Variants in KCNQ1 observed in about 807,000 individuals in gnomAD.
KCNQ1 encodes the protein potassium voltage-gated channel subfamily KQT member 1.
KCNQ1 carries 49 observed loss-of-function variants against 72.4 expected under a neutral mutation model. The ratio of observed to expected loss-of-function variants is 0.68; its 90% CI spans 0.54 to 0.86. KCNQ1 has a LOEUF of 0.86. KCNQ1 is among the 40% of genes least tolerant of loss of function. The pLI is 0.00. For synonymous variants in KCNQ1, 450 were observed against 412.6 expected (o/e 1.09, Z -1.10); for missense variants, 790 against 945.1 (o/e 0.84, Z 2.15).
Position 2,750,804 on chromosome 11 carries a change from T to C in KCNQ1, c.1515-18040T>C, listed in dbSNP as rs1002886748. 6.6e-6 allele frequency among the ~76,000 whole-genome samples: 1 copy of C among 152,206 alleles called. No individual in the cohort carries two copies. Among genetic ancestry groups the C allele is most frequent in the African/African-American group, 2.4e-5 (1 of 41,440 alleles). On this transcript the variant is annotated intron_variant, in intron 11 of 15. Coordinates refer to ENST00000155840, the MANE Select transcript of KCNQ1 (RefSeq NM_000218.3). This position sits in a 1 kb window ranked among gnomAD's most constrained non-coding sequence, Gnocchi z 6.3. Reference sequence around the variant, plus strand: ...GAAAACACTTTTCTTGTTTTCTTTCTCCGGCATGCTGGAAGCCGGCCAACT... The same window carrying C: ...GAAAACACTTTTCTTGTTTTCTTTCCCCGGCATGCTGGAAGCCGGCCAACT...
At chr11:2,697,868 A>G (rs1261827827) in intron 11 of KCNQ1, 1 of 398,536 alleles carries the variant, frequency 2.5e-6, no homozygotes, top group African/African-American at 2.1e-5. Flanking sequence ...CTGATTCGCA[A>G]TTTTAAAAAA....
chr11:2,633,620 G>C, intron 10 of KCNQ1: 1 of 398,484 alleles, frequency 2.5e-6, no homozygotes. Context: ...GTTCAACATG[G>C]TGTCCTTTCC....
intron 1 of KCNQ1, among the ~76,000 whole-genome samples, chr11:2,504,165 G>A (rs179405): frequency 0.24 from 35,879 of 152,070 alleles, 5,569 homozygotes; most frequent in African/African-American, 0.44. Flanking sequence ...GAATGAGAAC[G>A]TGTCATTTGC....
intron 11 of KCNQ1, among the ~76,000 whole-genome samples, chr11:2,717,899 C>T (rs571487236): frequency 3.3e-4 from 50 of 152,198 alleles, no homozygotes; most frequent in South Asian, 2.1e-4. Context: ...TTGAGCCCCC[C>T]GGGGTATTAG....
chr11:2,731,694 A>G (rs1413472665), intron 11 of KCNQ1, among the ~76,000 whole-genome samples: 1 of 152,220 alleles, frequency 6.6e-6, no homozygotes, highest in East Asian at 1.9e-4. Context: ...CCTGAGGCCC[A>G]GAGAAAGGCG....
At chr11:2,561,062 C>A (rs541628260) in intron 2 of KCNQ1, among the ~76,000 whole-genome samples, 1 of 151,476 alleles carries the variant, frequency 6.6e-6, no homozygotes, top group Non-Finnish European at 1.5e-5. Flanking sequence ...ATTAGCCGGG[C>A]GAGGTGGCGG....
At chr11:2,622,887 A>G (rs1253417104) in intron 10 of KCNQ1, 4 of 398,646 alleles carry the variant, frequency 1.0e-5, no homozygotes, top group Non-Finnish European at 1.3e-5. Flanking sequence ...ACACATTATT[A>G]TCAAAGTCCC....
At chr11:2,794,513 G>A (rs1847092356) in intron 15 of KCNQ1, among the ~76,000 whole-genome samples, 1 of 152,186 alleles carries the variant, frequency 6.6e-6, no homozygotes, top group South Asian at 2.1e-4. Flanking sequence ...GTGGTCAGGG[G>A]CGGCACAGGG....
At chr11:2,774,565 T>C (rs35993725) in intron 12 of KCNQ1, among the ~76,000 whole-genome samples, 20,793 of 152,232 alleles carry the variant, frequency 0.14, 1,531 homozygotes, top group Middle Eastern at 0.18. Flanking sequence ...AGGAGGTCTC[T>C]GCCCTGTCTT....
In KCNQ1 at chr11:2,687,690, G is replaced by A. The variant is rs1244101847; in HGVS notation, c.1514+25609G>A. The A allele has an allele frequency of 1.0e-5, 4 of 398,654 alleles. No individual in the cohort carries two copies. Among genetic ancestry groups the A allele is most frequent in the Non-Finnish European group, 1.8e-5 (4 of 226,188 alleles). 24.7% of individuals were successfully genotyped at this position (398,654 alleles called of 1,614,324 possible). A position where few individuals can be genotyped will look rare whatever the true frequency, so the allele number is the denominator to read the frequency against. ...CAGGTCTCAGGGAGCTCAGGGTTCAGTGTTGGAATGGGTCTGGGCCCAGAT... is the reference window on the plus strand; with the variant it reads ...CAGGTCTCAGGGAGCTCAGGGTTCAATGTTGGAATGGGTCTGGGCCCAGAT... On this transcript the variant is annotated intron_variant, in intron 11 of 15. Coordinates refer to ENST00000155840, the MANE Select transcript of KCNQ1 (RefSeq NM_000218.3). The surrounding 1 kb of genome is among the most constrained non-coding windows in gnomAD (Gnocchi z 5.0).
At chr11:2,616,431 T>C in intron 10 of KCNQ1, 1 of 398,060 alleles carries the variant, frequency 2.5e-6, no homozygotes, top group East Asian at 3.6e-5. Flanking sequence ...TTCTCTCTTT[T>C]AACTTTAGGT....
At chr11:2,452,081 T>C (rs800337) in intron 1 of KCNQ1, among the ~76,000 whole-genome samples, 116,037 of 152,142 alleles carry the variant, frequency 0.76, 44,897 homozygotes, top group Non-Finnish European at 0.85. Flanking sequence ...GAGCTACGGC[T>C]GCCCTCACCC....
chr11:2,797,295 A>G (rs1847157517), intron 15 of KCNQ1, among the ~76,000 whole-genome samples: 1 of 152,150 alleles, frequency 6.6e-6, no homozygotes, highest in African/African-American at 2.4e-5. Context: ...ACGGGCCCCA[A>G]CCTGCCTGCA....
chr11:2,826,575 T>A lies in KCNQ1; in HGVS notation c.1795-21192T>A, dbSNP rs1847846026. 6.6e-6 allele frequency among the ~76,000 whole-genome samples: 1 copy of A among 152,238 alleles called. No individual in the cohort carries two copies. Among genetic ancestry groups the A allele is most frequent in the Non-Finnish European group, 1.5e-5 (1 of 68,028 alleles). ...AAGGCCTCCCCAGCAGACCTGCAGCTGGGCACCCACAGGGTAGAAATGCCC... is the reference window on the plus strand; with the variant it reads ...AAGGCCTCCCCAGCAGACCTGCAGCAGGGCACCCACAGGGTAGAAATGCCC... On this transcript the variant is annotated intron_variant, in intron 15 of 15. Coordinates refer to ENST00000155840, the MANE Select transcript of KCNQ1 (RefSeq NM_000218.3). This position sits in a 1 kb window ranked among gnomAD's most constrained non-coding sequence, Gnocchi z 4.2.
intron 12 of KCNQ1, among the ~76,000 whole-genome samples, chr11:2,773,865 C>T (rs1846645544): frequency 8.7e-6 from 1 of 115,602 alleles, no homozygotes; most frequent in South Asian, 2.7e-4. Flanking sequence ...CAGATGCTAA[C>T]AGGGCTCAGC....
In KCNQ1 at chr11:2,679,995, G is replaced by A; in HGVS notation, c.1514+17914G>A. The A allele has an allele frequency of 7.6e-6, 3 of 396,936 alleles. No homozygotes were observed. The highest frequency in any genetic ancestry group is 6.3e-4 in the Middle Eastern group (1 of 1,578). 24.6% of individuals were successfully genotyped at this position (396,936 alleles called of 1,614,324 possible). ...TGCAACCTCTACCTCCTGGGTTCAA[G>A]CAATTCTCCTGCCTTAGCCTCCCTA... On this transcript the variant is annotated intron_variant, in intron 11 of 15. Transcript: ENST00000155840. The surrounding 1 kb of genome is among the most constrained non-coding windows in gnomAD (Gnocchi z 4.8).
At position 2,508,741 on chromosome 11, in the gene KCNQ1, G is replaced by A. The variant is rs1439803868; in HGVS notation, c.387-19187G>A. On this transcript the variant is annotated intron_variant, in intron 1 of 15. Coordinates refer to ENST00000155840, the MANE Select transcript of KCNQ1 (RefSeq NM_000218.3). The surrounding 1 kb of genome is among the most constrained non-coding windows in gnomAD (Gnocchi z 6.2). ...TTCCTCTATAGAAACTCCCCGAATG[G>A]GAGGGATGGGAAAGACTGTTGAACT... 6.6e-6 allele frequency among the ~76,000 whole-genome samples: 1 copy of A among 152,184 alleles called. No individual in the cohort carries two copies. The highest frequency in any genetic ancestry group is 1.5e-5 in the Non-Finnish European group (1 of 68,028).
chr11:2,525,382 C>T (rs1847480676), intron 1 of KCNQ1, among the ~76,000 whole-genome samples: 1 of 152,218 alleles, frequency 6.6e-6, no homozygotes, highest in Admixed American at 6.5e-5. Context: ...GTCTGTTGAA[C>T]AAATTACTCT....
At position 2,457,202 on chromosome 11, in the gene KCNQ1, G is replaced by A. The variant is rs56403874; in HGVS notation, c.386+11718G>A. On this transcript the variant is annotated intron_variant, in intron 1 of 15. Coordinates refer to ENST00000155840, the MANE Select transcript of KCNQ1 (RefSeq NM_000218.3). This position sits in a 1 kb window ranked among gnomAD's most constrained non-coding sequence, Gnocchi z 5.0. ...GAACACTTACACCCTGTTGACGGGA[G>A]TGTAAATGAGTCCAGCCACCATGGA... is the stretch of plus-strand genomic sequence containing the variant. Among the ~76,000 whole-genome samples the A allele has an allele frequency of 0.37, 56,886 of 152,008 alleles. 14,778 individuals carry two copies. The highest frequency in any genetic ancestry group is 0.73 in the African/African-American group (30,151 of 41,450).
Sources: gnomAD v4.1 joint callset for allele counts (sites outside exome capture counted in the v4.1 genomes callset) on GRCh38, gnomAD v4.1.1 for gene constraint, Gnocchi (gnomAD v3.1) non-coding constraint, MANE v1.5 for transcripts, NCBI Gene and HGNC (gene_info 2026-07-23, HGNC 2026-07-21) for gene names.